COQ5: variants seen among roughly 807,000 people sequenced by gnomAD.
The protein encoded by COQ5 is 2-methoxy-6-polyprenyl-1,4-benzoquinol methylase, mitochondrial.
COQ5 carries 27 observed loss-of-function variants against 40.5 expected under a neutral mutation model. That is an observed-to-expected ratio of 0.67 (90% CI 0.49 to 0.92). The LOEUF (loss-of-function observed/expected upper bound fraction) is 0.92, where lower values mean the gene tolerates loss of function less well. Among genes scored for constraint, COQ5 ranks in the 40% least tolerant of loss-of-function variants. The pLI, the probability that COQ5 is intolerant of heterozygous loss-of-function variation, is 0.00. For synonymous variants in COQ5, 141 were observed against 150.0 expected (o/e 0.94, Z 0.44); for missense variants, 409 against 406.4 (o/e 1.01, Z -0.06).
rs553219611 is a variant in COQ5, at chr12:120,513,501, C to CA, written c.574+3065dup. Among the ~76,000 whole-genome samples the CA allele has an allele frequency of 6.6e-3, 408 of 61,832 alleles. 3 individuals are homozygous for CA. Among genetic ancestry groups the CA allele is most frequent in the Admixed American group, 0.012 (67 of 5,576 alleles). The allele number at this position is 61,832 out of a possible 152,430, so 40.6% of individuals were successfully genotyped here. A position where few individuals can be genotyped will look rare whatever the true frequency, so the allele number is the denominator to read the frequency against. ...TGGGCGACAGAGCGAGACTCCGTCT[C>CA]AAAAAAAAAAAAAAAAGTAGTTAAG... On this transcript the variant is annotated intron_variant, in intron 3 of 6. Coordinates refer to ENST00000288532, the MANE Select transcript of COQ5 (RefSeq NM_032314.4).
rs545877918 is a variant in COQ5, at chr12:120,523,061, A to C, written c.203-698T>G. 1.9e-3 allele frequency: 785 copies of C among 415,524 alleles called. 4 individuals are homozygous for C. Among genetic ancestry groups the C allele is most frequent in the African/African-American group, 0.015 (723 of 48,614 alleles). 25.7% of individuals were successfully genotyped at this position (415,524 alleles called of 1,614,324 possible). On this transcript the variant is annotated intron_variant, in intron 1 of 6. Coordinates refer to ENST00000288532, the MANE Select transcript of COQ5 (RefSeq NM_032314.4). ...AAAAAAAAAGAGATTCTTATCGGCC[A>C]GGCGCGGTGGCTCATGCCTGTAATC...
At chr12:120,525,251 C>T (rs1267269093) in intron 1 of COQ5, among the ~76,000 whole-genome samples, 1 of 152,134 alleles carries the variant, frequency 6.6e-6, no homozygotes, top group African/African-American at 2.4e-5. Flanking sequence ...AGGCACTTGC[C>T]ACCATGCCTG....
chr12:120,510,652 T>C (rs1422788600), intron 3 of COQ5, among the ~76,000 whole-genome samples: 1 of 152,164 alleles, frequency 6.6e-6, no homozygotes, highest in Admixed American at 6.6e-5. Flanking sequence ...TGTTTCCTCA[T>C]CTGTAAAATG....
chr12:120,509,697 A>G (rs1869038823), intron 4 of COQ5, among the ~76,000 whole-genome samples: 1 of 152,072 alleles, frequency 6.6e-6, no homozygotes, highest in African/African-American at 2.4e-5. Flanking sequence ...AGGACCCTAA[A>G]CTTCAAACAG....
At chr12:120,515,012 G>A (rs551835184) in intron 3 of COQ5, among the ~76,000 whole-genome samples, 64 of 151,996 alleles carry the variant, frequency 4.2e-4, no homozygotes, top group African/African-American at 1.3e-3. Flanking sequence ...GGCTGGTCTC[G>A]AACTCCAGAC....
At chr12:120,528,571 G>A (rs955757914) in intron 1 of COQ5, among the ~76,000 whole-genome samples, 3 of 152,152 alleles carry the variant, frequency 2.0e-5, no homozygotes, top group Non-Finnish European at 2.9e-5. Flanking sequence ...AGCACTTTGG[G>A]AGGCCGAGGC....
chr12:120,518,289 T>G (rs1746404052), intron 2 of COQ5, among the ~76,000 whole-genome samples: 1 of 151,850 alleles, frequency 6.6e-6, no homozygotes, highest in African/African-American at 2.4e-5. Flanking sequence ...ATTAGCCAGG[T>G]GTGGGGCACA....
intron 4 of COQ5, chr12:120,509,723 G>A (rs1230445353): frequency 1.7e-5 from 6 of 355,040 alleles, no homozygotes; most frequent in South Asian, 7.8e-5. Context: ...CCACTCAAGC[G>A]CCAAGCCCTT....
At chr12:120,522,610 C>G in intron 1 of COQ5, 2 of 648,698 alleles carry the variant, frequency 3.1e-6, no homozygotes, top group Middle Eastern at 4.3e-4. Context: ...AGATGGCAGT[C>G]CAGGGGGGTC....
rs1413937236 is a variant in COQ5 at position 120,503,570 on chromosome 12, C to T, written c.*214G>A. On this transcript the variant is annotated 3_prime_UTR_variant, in exon 7 of 7. Transcript: ENST00000288532. ...GTTGAGCAAAGATACAGACCAAATG[C>T]CTCTGGGAGATGGACTGAAGCAGCT... 5 of 666,794 alleles carry T rather than the reference C, an allele frequency of 7.5e-6. No homozygotes were observed. The highest frequency in any genetic ancestry group is 1.4e-5 in the Non-Finnish European group (5 of 362,420). The allele number at this position is 666,794 out of a possible 1,614,324, so 41.3% of individuals were successfully genotyped here.
At chr12:120,506,041 A>G (rs1205139595) in intron 4 of COQ5, among the ~76,000 whole-genome samples, 1 of 151,764 alleles carries the variant, frequency 6.6e-6, no homozygotes, top group Non-Finnish European at 1.5e-5. Context: ...TTTTAGTAGA[A>G]AAAGGGTTTC....
At chr12:120,519,489 G>A (rs868676342) in intron 2 of COQ5, among the ~76,000 whole-genome samples, 1 of 152,160 alleles carries the variant, frequency 6.6e-6, no homozygotes, top group Non-Finnish European at 1.5e-5. Context: ...TAACCCAGGA[G>A]GCGGAGGTTG....
chr12:120,504,137 C>G, intron 5 of COQ5, 56 bp from the exon 6 acceptor site: 3 of 1,057,792 alleles, frequency 2.8e-6, no homozygotes, highest in South Asian at 1.3e-5. Flanking sequence ...CACTTCTTCC[C>G]TAGATAAGAA....
At chr12:120,512,325 G>A (rs1161769516) in intron 3 of COQ5, among the ~76,000 whole-genome samples, 3 of 152,240 alleles carry the variant, frequency 2.0e-5, no homozygotes, top group Non-Finnish European at 2.9e-5. Flanking sequence ...ATTGTAGGAC[G>A]GGCGCGGTGG....
At chr12:120,513,695 T>C (rs529264260) in intron 3 of COQ5, among the ~76,000 whole-genome samples, 2 of 151,904 alleles carry the variant, frequency 1.3e-5, no homozygotes, top group Admixed American at 1.3e-4. Context: ...AATTTTTGTA[T>C]TTTTAGTAGA....
chr12:120,504,237 T>C (rs1868778292), intron 5 of COQ5, among the ~76,000 whole-genome samples, 156 bp from the exon 6 acceptor site: 1 of 151,962 alleles, frequency 6.6e-6, no homozygotes, highest in South Asian at 2.1e-4. Flanking sequence ...ACAAGACCAG[T>C]AGAAGTGCTG....
intron 2 of COQ5, among the ~76,000 whole-genome samples, chr12:120,521,518 A>G (rs1047501792): frequency 1.3e-5 from 2 of 151,908 alleles, no homozygotes; most frequent in African/African-American, 4.8e-5. Context: ...TCTACTAACA[A>G]TACAAAAATT....
intron 3 of COQ5, among the ~76,000 whole-genome samples, chr12:120,513,033 G>C (rs1427266447): frequency 1.3e-5 from 2 of 150,746 alleles, no homozygotes; most frequent in South Asian, 2.1e-4. Flanking sequence ...CTCCTGACCT[G>C]AGGTGATCCA....
At chr12:120,504,602 G>A (rs1593012476) in intron 5 of COQ5, 3 of 366,492 alleles carry the variant, frequency 8.2e-6, no homozygotes, top group East Asian at 1.2e-4. Context: ...GAGGGGGGTT[G>A]AGTAGCAACG....
Sources: allele counts gnomAD v4.1 joint callset (sites outside exome capture counted in the v4.1 genomes callset), GRCh38; gene constraint gnomAD v4.1.1; transcripts MANE v1.5; gene names NCBI Gene and HGNC (gene_info 2026-07-23, HGNC 2026-07-21).